The following MIB1 variants were observed in gnomAD, a reference collection of about 807,000 sequenced individuals.
MIB1 encodes E3 ubiquitin-protein ligase MIB1.
In MIB1, 278 loss-of-function variants were observed where a neutral mutation model predicts 124.5. That is an observed-to-expected ratio of 2.23 (90% confidence interval 2.02 to 2.47). The LOEUF is 2.47. Ranked by LOEUF, MIB1 falls within the 30% of genes most tolerant of loss-of-function variation. MIB1 has a pLI of 0.00. For synonymous variants in MIB1, 446 were observed against 429.4 expected, an observed-to-expected ratio of 1.04 and a Z score of -0.48; for missense variants, 957 against 1,254.4, an observed-to-expected ratio of 0.76 and a Z score of 3.58.
chr18:21,736,058 T>C (rs2040795613), upstream of MIB1, among the ~76,000 whole-genome samples: 1 of 152,216 alleles, frequency 6.6e-6, no homozygotes, highest in African/African-American at 2.4e-5. Context: ...AAGTGGGTCC[T>C]TGACCCCCAT....
intron 1 of MIB1, among the ~76,000 whole-genome samples, chr18:21,706,280 C>A (rs2040627269): frequency 6.6e-6 from 1 of 152,162 alleles, no homozygotes; most frequent in Admixed American, 6.5e-5. Flanking sequence ...AGGGTTTCAC[C>A]ATGTTGACCA....
intron 7 of MIB1, among the ~76,000 whole-genome samples, chr18:21,795,582 T>C (rs1157992726): frequency 6.6e-6 from 1 of 151,466 alleles, no homozygotes; most frequent in Admixed American, 6.6e-5. Context: ...TAGATTTGAT[T>C]TGAAATCACA....
rs398032096 is a variant in MIB1, at chr18:21,860,098, C to CTTTTTTTTTTTTTTTT, written c.2880+1464_2880+1479dup. Among the ~76,000 whole-genome samples, 22 of 26,462 alleles carry CTTTTTTTTTTTTTTTT rather than the reference C, an allele frequency of 8.3e-4. 6 individuals carry two copies. The highest frequency in any genetic ancestry group is 1.9e-3 in the African/African-American group (16 of 8,208). The allele number at this position is 26,462 out of a possible 152,430, so 17.4% of individuals were successfully genotyped here. A position where few individuals can be genotyped will look rare whatever the true frequency, so the allele number is the denominator to read the frequency against. On this transcript the variant is annotated intron_variant, in intron 20 of 20. Transcript: ENST00000261537. ...GTGTTGGTTATGTTGTTCTTTATGT[C>CTTTTTTTTTTTTTTTT]TTTTTTTTTTTTTTTTTTTTTTTTT... is the stretch of plus-strand genomic sequence containing the variant.
intron 1 of MIB1, among the ~76,000 whole-genome samples, chr18:21,735,239 T>A (rs1346449593): frequency 6.6e-6 from 1 of 152,134 alleles, no homozygotes; most frequent in African/African-American, 2.4e-5. Context: ...ACGGAGGGCA[T>A]TGTCTCACTC....
intron 7 of MIB1, among the ~76,000 whole-genome samples, chr18:21,791,976 G>A (rs1360426737): frequency 6.6e-6 from 1 of 152,162 alleles, no homozygotes; most frequent in Non-Finnish European, 1.5e-5. Context: ...TTCATAGAGT[G>A]AATTTGTTCC....
intron 13 of MIB1, among the ~76,000 whole-genome samples, chr18:21,842,091 C>CAAAAAAAAAAA (rs376834305): frequency 3.4e-4 from 12 of 35,682 alleles, no homozygotes; most frequent in African/African-American, 1.2e-3. Context: ...GACCCTATCT[C>CAAAAAAAAAAA]AAAAAAAAAA....
chr18:21,785,572 C>T (rs2041425764), intron 6 of MIB1, among the ~76,000 whole-genome samples: 1 of 152,162 alleles, frequency 6.6e-6, no homozygotes, highest in Non-Finnish European at 1.5e-5. Context: ...TATTGCCTAT[C>T]TCTTAACTGT....
intron 1 of MIB1, among the ~76,000 whole-genome samples, chr18:21,744,220 T>G (rs1181562398): frequency 6.6e-6 from 1 of 151,824 alleles, no homozygotes; most frequent in East Asian, 1.9e-4. Flanking sequence ...TAATAATCAG[T>G]GTTCACTGAC....
intron 1 of MIB1, among the ~76,000 whole-genome samples, chr18:21,746,435 T>C (rs931090830): frequency 6.6e-6 from 1 of 152,226 alleles, no homozygotes; most frequent in African/African-American, 2.4e-5. Context: ...TTGAGTGATA[T>C]AACGTCTGTC....
intron 12 of MIB1, among the ~76,000 whole-genome samples, chr18:21,832,205 GAGT>G (rs1406454493): frequency 6.6e-6 from 1 of 152,054 alleles, no homozygotes; most frequent in Non-Finnish European, 1.5e-5. Context: ...GTATGCTTTT[GAGT>G]AATTATACAA....
intron 1 of MIB1, among the ~76,000 whole-genome samples, chr18:21,725,094 C>CAAAA (rs1218383555): frequency 6.8e-5 from 3 of 44,140 alleles, no homozygotes; most frequent in African/African-American, 2.5e-4. Flanking sequence ...GACTCTGTCT[C>CAAAA]AAAAAAAAAA....
In MIB1 at chr18:21,846,892, A is replaced by G. The variant is rs559640581; in HGVS notation, c.2212-52A>G. ...ACACATACATATATATGATGACAAG[A>G]ATTGATGGCAGATTCCTAGAGGGAA... On this transcript the variant is annotated intron_variant, in intron 15 of 20. Transcript: ENST00000261537. 9.7e-6 allele frequency: 15 copies of G among 1,551,630 alleles called. No homozygotes were observed. In the African/African-American group the frequency reaches 1.8e-4, roughly 18 times the overall value.
intron 1 of MIB1, among the ~76,000 whole-genome samples, chr18:21,747,856 C>T (rs1458614757): frequency 6.6e-6 from 1 of 152,172 alleles, no homozygotes; most frequent in Non-Finnish European, 1.5e-5. Flanking sequence ...GTGCTTTCAT[C>T]TGTTAAAGCA....
chr18:21,756,193 A>G (rs937446540), intron 1 of MIB1, among the ~76,000 whole-genome samples: 4 of 152,184 alleles, frequency 2.6e-5, no homozygotes, highest in Non-Finnish European at 5.9e-5. Context: ...GGCATTGTAT[A>G]CTTTATCTCG....
intron 4 of MIB1, among the ~76,000 whole-genome samples, chr18:21,777,280 G>A (rs112829328): frequency 0.051 from 7,701 of 151,776 alleles, 394 homozygotes; most frequent in African/African-American, 0.12. Flanking sequence ...TTAGCCAGGC[G>A]TGGTGGTGCA....
intron 12 of MIB1, chr18:21,828,145 A>G (rs999189606): frequency 6.6e-6 from 1 of 151,956 alleles, no homozygotes; most frequent in East Asian, 1.9e-4. Context: ...ATAGTACAAT[A>G]AAAACAGTTC....
At chr18:21,841,800 T>C (rs1405511875) in intron 13 of MIB1, among the ~76,000 whole-genome samples, 1 of 152,118 alleles carries the variant, frequency 6.6e-6, no homozygotes, top group Non-Finnish European at 1.5e-5. Context: ...ATTAGCCCCA[T>C]ACTGGAAGCG....
At position 21,844,226 on chromosome 18, in the gene MIB1, T is replaced by A; in HGVS notation, c.2184T>A (p.Asp728Glu). 1 of 1,614,192 alleles carries A rather than the reference T, an allele frequency of 6.2e-7. No individual in the cohort carries two copies. Among genetic ancestry groups the A allele is most frequent in the Middle Eastern group, 1.7e-4 (1 of 6,060 alleles). ...LQDMQDVGKV[D>E]AAWEPSKNTL... is the part of the protein sequence containing the mutation. Reference sequence around the variant, plus strand: ...ATATGCAAGATGTGGGGAAGGTGGATGCTGCCTGGGAGCCATCCAAAAACA... The same window carrying A: ...ATATGCAAGATGTGGGGAAGGTGGAAGCTGCCTGGGAGCCATCCAAAAACA... The change falls in exon 15 of 21, where the codon GAT (aspartate) becomes GAA (glutamate). Residue 728 changes from aspartate (D) to glutamate (E), a missense_variant. By Grantham distance (45) the Asp-to-Glu change is conservative (BLOSUM62 2). Coordinates refer to ENST00000261537, the MANE Select transcript of MIB1 (RefSeq NM_020774.4).
At chr18:21,830,873 CCAAAAACAAAAA>C (rs578167840) in intron 12 of MIB1, 4 of 151,968 alleles carry the variant, frequency 2.6e-5, no homozygotes, top group Non-Finnish European at 4.4e-5. Flanking sequence ...CTTCCCTTTA[CCAAAAACAAAAA>C]CAAAAACAAA....
Sources: allele counts gnomAD v4.1 joint callset (sites outside exome capture counted in the v4.1 genomes callset), GRCh38; gene constraint gnomAD v4.1.1; transcripts MANE v1.5; gene names NCBI Gene and HGNC (gene_info 2026-07-23, HGNC 2026-07-21).